Variants in DOCK1 observed in about 807,000 individuals in gnomAD.
The protein encoded by DOCK1 is dedicator of cytokinesis protein 1.
A neutral mutation model predicts 262.7 loss-of-function variants in DOCK1; 138 were observed. The observed-to-expected ratio is 0.53, with a 90% CI of 0.46 to 0.61. The LOEUF (loss-of-function observed/expected upper bound fraction) is 0.61, where lower values mean the gene tolerates loss of function less well. Ranked by LOEUF, DOCK1 falls within the 20% of genes least tolerant of loss-of-function variation. DOCK1 has a pLI of 0.00. For synonymous variants in DOCK1, 866 were observed against 867.4 expected (o/e 1.00, Z 0.03); for missense variants, 1,908 against 2,370.7 (o/e 0.80, Z 4.05).
At chr10:126,992,192 C>T (rs1376372815) in intron 6 of DOCK1, among the ~76,000 whole-genome samples, 1 of 152,112 alleles carries the variant, frequency 6.6e-6, no homozygotes, top group Non-Finnish European at 1.5e-5. Flanking sequence ...TCAAGACCAC[C>T]TGCTTAAAAA....
At chr10:126,948,828 C>T (rs1387625251) in intron 1 of DOCK1, among the ~76,000 whole-genome samples, 1 of 152,054 alleles carries the variant, frequency 6.6e-6, no homozygotes, top group Non-Finnish European at 1.5e-5. Context: ...TCAAAGGGAA[C>T]CTTGCCCCCT....
chr10:126,939,287 A>G (rs1451344765), intron 1 of DOCK1, among the ~76,000 whole-genome samples: 4 of 152,140 alleles, frequency 2.6e-5, no homozygotes, highest in African/African-American at 9.7e-5. Context: ...GACATTGGCT[A>G]TTGAGTTTCA....
chr10:126,977,547 T>C lies in DOCK1; in HGVS notation c.131-401T>C, dbSNP rs183198605. 5.3e-3 allele frequency among the ~76,000 whole-genome samples: 814 copies of C among 152,284 alleles called. 8 individuals carry two copies. Among genetic ancestry groups the C allele is most frequent in the Non-Finnish European group, 8.1e-3 (548 of 68,032 alleles). On this transcript the variant is annotated intron_variant, in intron 2 of 51. Coordinates refer to ENST00000623213, the MANE Select transcript of DOCK1 (RefSeq NM_001290223.2). The stretch of plus-strand genomic sequence containing the variant: ...GTTTTGGGGCAGCGAGATGCTGACA[T>C]GTGCCCTTGGAGAGATCTTGGTCTA...
intron 29 of DOCK1, among the ~76,000 whole-genome samples, chr10:127,311,057 C>A (rs2062046242): frequency 6.6e-6 from 1 of 152,102 alleles, no homozygotes; most frequent in Admixed American, 6.5e-5. Flanking sequence ...AAGAATAGGC[C>A]AAAAGGCTGT....
chr10:127,000,891 A>G (rs918543041), intron 10 of DOCK1: 11 of 157,654 alleles, frequency 7.0e-5, no homozygotes, highest in African/African-American at 2.7e-4. Flanking sequence ...TTTATCTGCC[A>G]TGTTGGTGCT....
chr10:126,962,468 A>T (rs1345981968), intron 1 of DOCK1, among the ~76,000 whole-genome samples: 2 of 150,778 alleles, frequency 1.3e-5, no homozygotes, highest in African/African-American at 4.9e-5. Flanking sequence ...CAGTTTTGGC[A>T]TTTTTTTTAG....
intron 27 of DOCK1, among the ~76,000 whole-genome samples, chr10:127,199,737 C>T (rs1203557592): frequency 6.6e-6 from 1 of 152,216 alleles, no homozygotes; most frequent in African/African-American, 2.4e-5. Flanking sequence ...ATCATTCTGT[C>T]TCCTGCACTA....
At chr10:127,038,827 C>G (rs914026679) in intron 19 of DOCK1, among the ~76,000 whole-genome samples, 13 of 152,194 alleles carry the variant, frequency 8.5e-5, no homozygotes, top group African/African-American at 2.9e-4. Flanking sequence ...TTAGGCTCTT[C>G]TCTGCTCTCA....
At position 127,075,169 on chromosome 10, in the gene DOCK1, CAAAAAAAAAAAA is replaced by C. The variant is rs71032536; in HGVS notation, c.2445+13412_2445+13423del. ...GGGCAACAAGAGCGAAACTCTGTCT[CAAAAAAAAAAAA>C]AAAAAAAAAAAAAAAAAAGGAGAGT... On this transcript the variant is annotated intron_variant, in intron 23 of 51. Transcript: ENST00000623213. 2.0e-4 allele frequency among the ~76,000 whole-genome samples: 13 copies of C among 64,320 alleles called. No individual in the cohort carries two copies. The East Asian group carries it at 2.8e-3, about 14-fold the overall frequency. 42.2% of individuals were successfully genotyped at this position (64,320 alleles called of 152,430 possible).
intron 18 of DOCK1, among the ~76,000 whole-genome samples, chr10:127,035,654 A>G (rs138406810): frequency 3.9e-5 from 6 of 152,322 alleles, no homozygotes; most frequent in Admixed American, 3.9e-4. Flanking sequence ...CCTTAACCCT[A>G]GGACCAAGAG....
rs74158666 is a variant in DOCK1 at position 127,333,642 on chromosome 10, C to A, written c.3045-5364C>A. Among the ~76,000 whole-genome samples, 1,248 of 152,278 alleles carry A rather than the reference C, an allele frequency of 8.2e-3. 13 individuals carry two copies. Among genetic ancestry groups the A allele is most frequent in the African/African-American group, 0.028 (1,178 of 41,560 alleles). On this transcript the variant is annotated intron_variant, in intron 29 of 51. Transcript: ENST00000623213. ...TCCACCCGCCCTTTTTGTTCAAGAA[C>A]AAAAGCAAGGCTGGCGGGACCTCCT...
intron 1 of DOCK1, among the ~76,000 whole-genome samples, chr10:126,910,117 A>T (rs1165832335): frequency 6.6e-6 from 1 of 152,214 alleles, no homozygotes; most frequent in Non-Finnish European, 1.5e-5. Flanking sequence ...TACTTTGGGG[A>T]AGAAAAATTA....
chr10:127,125,898 A>C (rs1355636040), intron 26 of DOCK1, among the ~76,000 whole-genome samples: 2 of 152,110 alleles, frequency 1.3e-5, no homozygotes, highest in Non-Finnish European at 2.9e-5. Flanking sequence ...TTGATGCTTA[A>C]AGTTGGCTAA....
At position 127,052,719 on chromosome 10, in the gene DOCK1, C is replaced by G. The variant is rs751334535; in HGVS notation, c.2240C>G (p.Ala747Gly). The G allele has an allele frequency of 6.2e-7, 1 of 1,613,888 alleles. No homozygotes were observed. Among genetic ancestry groups the G allele is most frequent in the Non-Finnish European group, 8.5e-7 (1 of 1,179,880 alleles). Residue 747 changes from alanine (A) to glycine (G), a missense_variant, in exon 22 of 52, where the codon GCT becomes GGT. Ala to Gly is a moderately conservative substitution (Grantham distance 60). Transcript: ENST00000623213. The stretch of plus-strand genomic sequence containing the variant: ...GTGTTGAAGAACTACGTGGACGGTG[C>G]TGAGAAGCCGGGAGTAAATGAGCAG... ...TKVLKNYVDGAEKPGVNEQLY... is the reference protein window; with the variant it reads ...TKVLKNYVDGGEKPGVNEQLY...
chr10:127,000,079 A>C, intron 9 of DOCK1, 93 bp from the exon 10 acceptor site: 3 of 1,409,132 alleles, frequency 2.1e-6, no homozygotes, highest in Non-Finnish European at 2.9e-6. Context: ...TGGTCTGAGA[A>C]GAGTCTCAAT....
chr10:127,017,842 C>T (rs2042123681), intron 12 of DOCK1, among the ~76,000 whole-genome samples: 2 of 152,208 alleles, frequency 1.3e-5, no homozygotes, highest in Admixed American at 6.5e-5. Flanking sequence ...CGAGCCCCTG[C>T]CTGCCCCGCC....
In DOCK1 at chr10:126,990,286, GTATAA is replaced by G. The variant is rs944350483; in HGVS notation, c.325-165_325-161del. 5.7e-4 allele frequency among the ~76,000 whole-genome samples: 87 copies of G among 152,244 alleles called. 2 individuals carry two copies. Among genetic ancestry groups the G allele is most frequent in the Middle Eastern group, 3.4e-3 (1 of 294 alleles). ...TAATGTCGCATGGAAACCAAATTCCGTATAATATGTTTTAGTTTATGCTGAAAGCA... is the reference window on the plus strand; with the variant it reads ...TAATGTCGCATGGAAACCAAATTCCGTATGTTTTAGTTTATGCTGAAAGCA... On this transcript the variant is annotated intron_variant, in intron 5 of 51. Transcript: ENST00000623213.
At chr10:127,169,098 G>T (rs564549666) in intron 27 of DOCK1, among the ~76,000 whole-genome samples, 1 of 152,206 alleles carries the variant, frequency 6.6e-6, no homozygotes, top group South Asian at 2.1e-4. Context: ...TTCTGTGATG[G>T]CTTTTTATTT....
intron 27 of DOCK1, among the ~76,000 whole-genome samples, chr10:127,205,073 A>G (rs1239944486): frequency 1.3e-5 from 2 of 152,098 alleles, no homozygotes; most frequent in East Asian, 1.9e-4. Flanking sequence ...CTGAACCCAA[A>G]TATGACAATG....
Sources: allele counts gnomAD v4.1 joint callset (sites outside exome capture counted in the v4.1 genomes callset), GRCh38; gene constraint gnomAD v4.1.1; transcripts MANE v1.5; gene names NCBI Gene and HGNC (gene_info 2026-07-23, HGNC 2026-07-21).